Variants in SEMA5A observed in about 807,000 individuals in gnomAD.
SEMA5A encodes semaphorin 5A, also known as semaphorin-5A.
In SEMA5A, 55 loss-of-function variants were observed where a neutral mutation model predicts 135.5. The observed-to-expected ratio is 0.41, with a 90% CI of 0.33 to 0.51. SEMA5A has a LOEUF of 0.51. Among genes scored for constraint, SEMA5A ranks in the 20% least tolerant of loss-of-function variants. The probability of loss-of-function intolerance (pLI) is 0.37; values close to 1 mark genes in which losing one functional copy is unlikely to be tolerated. For missense variants in SEMA5A, 1,290 were observed against 1,419.9 expected, an observed-to-expected ratio of 0.91 and a Z score of 1.47; for synonymous variants, 580 against 546.5, an observed-to-expected ratio of 1.06 and a Z score of -0.85.
chr5:9,115,813 C>T (rs1055405634), intron 15 of SEMA5A, among the ~76,000 whole-genome samples: 1 of 152,110 alleles, frequency 6.6e-6, no homozygotes, highest in African/African-American at 2.4e-5. Context: ...GTGTCATCAC[C>T]TCCTCTAGGT....
intron 11 of SEMA5A, among the ~76,000 whole-genome samples, chr5:9,162,817 C>T (rs1743368484): frequency 6.6e-6 from 1 of 151,858 alleles, no homozygotes; most frequent in Non-Finnish European, 1.5e-5. Context: ...TTAAATTGTG[C>T]AGTTGAGAAA....
chr5:9,297,550 T>G lies in SEMA5A; in HGVS notation c.270+20822A>C, dbSNP rs187104926. Among the ~76,000 whole-genome samples the G allele has an allele frequency of 2.5e-3, 383 of 151,688 alleles. 3 individuals are homozygous for G. Among genetic ancestry groups the G allele is most frequent in the African/African-American group, 8.9e-3 (367 of 41,348 alleles). On this transcript the variant is annotated intron_variant, in intron 5 of 22. Transcript: ENST00000382496. Reference sequence around the variant, plus strand: ...CAGAACTGTGAGCAATAAATTTCTGTTTTTTTTGTTTACTTGTTTTTGAGA... The same window carrying G: ...CAGAACTGTGAGCAATAAATTTCTGGTTTTTTTGTTTACTTGTTTTTGAGA...
chr5:9,380,700 A>G (rs1755561209), intron 2 of SEMA5A, among the ~76,000 whole-genome samples: 1 of 152,238 alleles, frequency 6.6e-6, no homozygotes, highest in Admixed American at 6.5e-5. Context: ...AACTTTAAAG[A>G]TTATGAACAA....
intron 1 of SEMA5A, among the ~76,000 whole-genome samples, chr5:9,482,906 C>T (rs1409313840): frequency 6.6e-6 from 1 of 152,188 alleles, no homozygotes; most frequent in Non-Finnish European, 1.5e-5. Flanking sequence ...GAGATTGTTT[C>T]CTTTGTCACT....
rs746113532 is a variant in SEMA5A, at chr5:9,190,483, G to A, written c.1069-12C>T. 113 of 1,611,798 alleles carry A rather than the reference G, an allele frequency of 7.0e-5. No individual in the cohort carries two copies. Among genetic ancestry groups the A allele is most frequent in the Non-Finnish European group, 9.2e-5 (108 of 1,179,638 alleles). On this transcript the variant is annotated splice_polypyrimidine_tract_variant and intron_variant, in intron 10 of 22. Transcript: ENST00000382496. ...TCCACGGTGCCACACTGAAAGGGAAGACGGGCCAGGTTACCAGAGCCGGCA... is the reference window on the plus strand; with the variant it reads ...TCCACGGTGCCACACTGAAAGGGAAAACGGGCCAGGTTACCAGAGCCGGCA...
In SEMA5A at chr5:9,379,868, T is replaced by C; in HGVS notation, c.79A>G (p.Thr27Ala). 6.2e-7 allele frequency: 1 copy of C among 1,614,096 alleles called. No homozygotes were observed. The highest frequency in any genetic ancestry group is 1.1e-5 in the South Asian group (1 of 91,068). The change falls in exon 3 of 23, where the codon ACG (threonine) becomes GCG (alanine). Residue 27 changes from threonine (T) to alanine (A), a missense_variant. By Grantham distance (58) the Thr-to-Ala change is moderately conservative. Around this residue, in one of 3 missense-constraint regions of SEMA5A, gnomAD observed 116 missense variants for 121.3 expected, o/e 0.96. Transcript: ENST00000382496. ...TGCTCGGTTCTCTGGCACTGAGTCG[T>C]ACCCTGGGCCTCTGGGTGGGCGAGT... ...WRLAHPEAQGTTQCQRTEHPV... is the reference protein window; with the variant it reads ...WRLAHPEAQGATQCQRTEHPV...
intron 1 of SEMA5A, among the ~76,000 whole-genome samples, chr5:9,480,929 A>T (rs1229858645): frequency 6.6e-6 from 1 of 151,956 alleles, no homozygotes; most frequent in African/African-American, 2.4e-5. Flanking sequence ...ACTAGAAAAC[A>T]TGGTTTTTTG....
intron 10 of SEMA5A, among the ~76,000 whole-genome samples, chr5:9,192,282 C>G (rs1180107330): frequency 6.6e-6 from 1 of 152,252 alleles, no homozygotes; most frequent in Admixed American, 6.5e-5. Context: ...CTTTACCTGT[C>G]CGGTGGCTAG....
At chr5:9,132,533 C>A (rs1741489992) in intron 13 of SEMA5A, among the ~76,000 whole-genome samples, 1 of 152,190 alleles carries the variant, frequency 6.6e-6, no homozygotes, top group Non-Finnish European at 1.5e-5. Flanking sequence ...ACTTACCAGC[C>A]TTCAAGACGA....
intron 5 of SEMA5A, among the ~76,000 whole-genome samples, chr5:9,294,460 T>C (rs551449577): frequency 9.2e-5 from 14 of 152,280 alleles, no homozygotes; most frequent in Non-Finnish European, 1.8e-4. Flanking sequence ...CCTTCCTGGA[T>C]TCCCCTGCCT....
intron 16 of SEMA5A, among the ~76,000 whole-genome samples, chr5:9,067,506 A>T (rs1360545187): frequency 6.6e-6 from 1 of 152,214 alleles, no homozygotes; most frequent in African/African-American, 2.4e-5. Context: ...ACACCTAGTG[A>T]TGGCCACAGG....
intron 1 of SEMA5A, among the ~76,000 whole-genome samples, chr5:9,462,985 T>TA (rs11422018): frequency 0.32 from 41,136 of 127,088 alleles, 6,095 homozygotes; most frequent in East Asian, 0.55. Context: ...AAATAAAAGT[T>TA]AAAAAAAAAA....
At chr5:9,073,342 G>T (rs1342320320) in intron 16 of SEMA5A, among the ~76,000 whole-genome samples, 2 of 152,136 alleles carry the variant, frequency 1.3e-5, no homozygotes, top group Non-Finnish European at 2.9e-5. Flanking sequence ...CATATGAACT[G>T]TATAGAAGTA....
chr5:9,422,229 T>A (rs765964035), intron 2 of SEMA5A: 2 of 152,212 alleles, frequency 1.3e-5, no homozygotes, highest in Non-Finnish European at 2.9e-5. Context: ...ATTAACACAG[T>A]TGGTCTCACC....
chr5:9,078,185 G>C (rs193181167), intron 16 of SEMA5A, among the ~76,000 whole-genome samples: 164 of 152,300 alleles, frequency 1.1e-3, no homozygotes, highest in African/African-American at 3.8e-3. Flanking sequence ...GCAATGAGAG[G>C]AGTAACTACT....
chr5:9,125,134 G>C (rs1741035790), intron 13 of SEMA5A, among the ~76,000 whole-genome samples: 1 of 152,132 alleles, frequency 6.6e-6, no homozygotes, highest in Non-Finnish European at 1.5e-5. Context: ...AGTGTTCGTT[G>C]TTTTTGACAT....
chr5:9,122,710 T>C lies in SEMA5A; in HGVS notation c.1727A>G (p.Gln576Arg). Residue 576 changes from glutamine to arginine, a missense_variant, in exon 14 of 23, where the codon CAG becomes CGG. Transcript: ENST00000382496. ...GCCCTCGCACTGCCAGCCACCACACTGCGGGGCCGGGCTGTCGCAGGAGCG... is the reference window on the plus strand; with the variant it reads ...GCCCTCGCACTGCCAGCCACCACACCGCGGGGCCGGGCTGTCGCAGGAGCG... Reference protein sequence around the residue: ...RTRSCDSPAPQCGGWQCEGPG... With the variant: ...RTRSCDSPAPRCGGWQCEGPG... 1.2e-6 allele frequency: 2 copies of C among 1,613,258 alleles called. No homozygotes were observed. The highest frequency in any genetic ancestry group is 1.7e-6 in the Non-Finnish European group (2 of 1,179,710).
At chr5:9,365,486 G>A (rs1254582054) in intron 3 of SEMA5A, among the ~76,000 whole-genome samples, 1 of 151,768 alleles carries the variant, frequency 6.6e-6, no homozygotes, top group Non-Finnish European at 1.5e-5. Flanking sequence ...TGATTTTTTT[G>A]CATTCAGATA....
At chr5:9,538,096 A>G (rs1178232249) in intron 1 of SEMA5A, among the ~76,000 whole-genome samples, 1 of 152,192 alleles carries the variant, frequency 6.6e-6, no homozygotes, top group South Asian at 2.1e-4. Flanking sequence ...AAGGTGGGAG[A>G]GCTAAAGACA....
Sources: gnomAD v4.1 joint callset for allele counts (sites outside exome capture counted in the v4.1 genomes callset) on GRCh38, gnomAD v4.1.1 for gene constraint, gnomAD v4.1.1 regional missense constraint, MANE v1.5 for transcripts, NCBI Gene and HGNC (gene_info 2026-07-23, HGNC 2026-07-21) for gene names.